OR52N4: variants seen among roughly 807,000 people sequenced by gnomAD.
OR52N4 encodes olfactory receptor 52N4.
A neutral mutation model predicts 15.0 loss-of-function variants in OR52N4; 15 were observed. The observed-to-expected ratio is 1.00, with a 90% CI of 0.67 to 1.54. The LOEUF is 1.54. Among genes scored for constraint, OR52N4 ranks in the 40% most tolerant of loss-of-function variants. OR52N4 has a pLI of 0.00. For synonymous variants in OR52N4, 143 were observed against 143.7 expected (o/e 1.00, Z 0.03); for missense variants, 421 against 394.0 (o/e 1.07, Z -0.58).
the OR52N4 span, among the ~76,000 whole-genome samples, chr11:5,734,493 T>A: frequency 6.6e-6 from 1 of 152,134 alleles, no homozygotes; most frequent in South Asian, 2.1e-4. Context: ...TCTTCAGGGT[T>A]AATATATTAA....
At chr11:5,736,173 A>G in the OR52N4 span, 1 of 243,102 alleles carries the variant, frequency 4.1e-6, no homozygotes, top group Non-Finnish European at 8.0e-6. Context: ...TCCTCAATAT[A>G]ATTTATTTCT....
chr11:5,740,276 C>G, the OR52N4 span, among the ~76,000 whole-genome samples: 1 of 127,406 alleles, frequency 7.8e-6, no homozygotes, highest in East Asian at 2.7e-4. Flanking sequence ...AATGCCCTGG[C>G]TGGTTCAACT....
the OR52N4 span, among the ~76,000 whole-genome samples, chr11:5,735,513 C>G: frequency 0.84 from 128,147 of 151,962 alleles, 54,213 homozygotes; most frequent in Non-Finnish European, 0.86. Flanking sequence ...TATGGAAAAT[C>G]AGAAACATTT....
At chr11:5,753,206 G>C (rs12365564), upstream of OR52N4, among the ~76,000 whole-genome samples, 26,124 of 151,918 alleles carry the variant, frequency 0.17, 2,345 homozygotes, top group East Asian at 0.24. Flanking sequence ...ATCTAATAAA[G>C]AGTTGTTCTA....
the OR52N4 span, chr11:5,738,300 C>T: frequency 6.6e-6 from 1 of 152,250 alleles, no homozygotes; most frequent in Non-Finnish European, 1.5e-5. Flanking sequence ...TGAGGGTTTT[C>T]ACTGGATATG....
At chr11:5,746,324 C>CTG in the OR52N4 span, among the ~76,000 whole-genome samples, 1 of 152,096 alleles carries the variant, frequency 6.6e-6, no homozygotes, top group South Asian at 2.1e-4. Context: ...TAAAAAGCTT[C>CTG]TGCAAAGCAA....
chr11:5,755,358 C>T lies in OR52N4; in HGVS notation c.618C>T (p.Leu206=), dbSNP rs932318286. The change falls in exon 2 of 2, where the codon CTC becomes CTT. Residue 206 remains leucine (L), a synonymous_variant. Coordinates refer to ENST00000641350, the MANE Select transcript of OR52N4 (RefSeq NM_001005175.5). ...VNAIYGLMVA[L]LIWGFDILCI... is the part of the protein sequence containing the mutation. ...CCATCTATGGTCTGATGGTTGCCCT[C>T]CTGATTTGGGGCTTTGACATACTGT... The T allele has an allele frequency of 5.0e-6, 8 of 1,613,924 alleles. No homozygotes were observed. The African/African-American group carries it at 1.1e-4, about 22-fold the overall frequency.
At chr11:5,740,215 T>C in the OR52N4 span, among the ~76,000 whole-genome samples, 6 of 126,804 alleles carry the variant, frequency 4.7e-5, 1 homozygote, top group African/African-American at 1.7e-4. Flanking sequence ...ATTGACTCAA[T>C]TGTTGAAAAT....
At chr11:5,752,572 T>C (rs928154725), upstream of OR52N4, among the ~76,000 whole-genome samples, 7 of 152,214 alleles carry the variant, frequency 4.6e-5, no homozygotes, top group African/African-American at 1.7e-4. Context: ...AATATGGGTA[T>C]TGAGCACTTA....
the OR52N4 span, chr11:5,737,262 C>CT: frequency 6.2e-7 from 1 of 1,614,154 alleles, no homozygotes; most frequent in Non-Finnish European, 8.5e-7. Flanking sequence ...GCCCTGAGCA[C>CT]TTGTAGTTCA....
the OR52N4 span, chr11:5,736,790 G>T: frequency 6.2e-7 from 1 of 1,613,970 alleles, no homozygotes; most frequent in Non-Finnish European, 8.5e-7. Flanking sequence ...TAAGATCCTG[G>T]CCATCTTCTG....
chr11:5,748,979 T>C, the OR52N4 span, among the ~76,000 whole-genome samples: 1 of 152,000 alleles, frequency 6.6e-6, no homozygotes, highest in African/African-American at 2.4e-5. Context: ...CCCATAGAGG[T>C]TATCTTGATT....
chr11:5,753,502 C>A (rs12362742), upstream of OR52N4, among the ~76,000 whole-genome samples: 2 of 151,748 alleles, frequency 1.3e-5, no homozygotes, highest in African/African-American at 4.8e-5. Flanking sequence ...TATATATTTT[C>A]TGTATGTATG....
At chr11:5,753,546 T>C (rs1021733613), upstream of OR52N4, among the ~76,000 whole-genome samples, 1 of 152,274 alleles carries the variant, frequency 6.6e-6, no homozygotes, top group East Asian at 1.9e-4. Flanking sequence ...GTTGACTAGA[T>C]ACATAAAGAA....
chr11:5,743,761 A>G, the OR52N4 span, among the ~76,000 whole-genome samples: 1 of 152,334 alleles, frequency 6.6e-6, no homozygotes, highest in East Asian at 1.9e-4. Flanking sequence ...ATAGCATTAA[A>G]TGCCGACATT....
At chr11:5,754,591 T>C (rs371282261) in intron 1 of OR52N4, 102 bp from the exon 2 acceptor site, 11 of 710,650 alleles carry the variant, frequency 1.5e-5, no homozygotes, top group Middle Eastern at 4.1e-4. Flanking sequence ...AGAAATTTGG[T>C]TGTTGGACCA....
rs768030929 is a variant in OR52N4 at position 5,755,133 on chromosome 11, C to T, written c.393C>T (p.Pro131=). 13 of 1,613,908 alleles carry T rather than the reference C, an allele frequency of 8.1e-6. No individual in the cohort carries two copies. The highest frequency in any genetic ancestry group is 1.6e-4 in the Middle Eastern group (1 of 6,080). The change falls in exon 2 of 2, where the codon CCC becomes CCT. Residue 131 remains proline (P), a synonymous_variant. Transcript: ENST00000641350. ...ATCGCTATGTGGCCATCTGCTACCC[C>T]TTACGCTATTCAACTATCCTCACCA... ...ALDRYVAICY[P]LRYSTILTNP...
Position 5,755,659 on chromosome 11 carries a change from A to G in OR52N4, c.919A>G (p.Ile307Val), listed in dbSNP as rs1854302131. 3 of 1,613,780 alleles carry G rather than the reference A, an allele frequency of 1.9e-6. No homozygotes were observed. The highest frequency in any genetic ancestry group is 1.7e-6 in the Non-Finnish European group (2 of 1,179,748). ...VKTKQIRDCV[I>V]RILSGSKDTK... ...AACCAAACAGATACGAGACTGTGTC[A>G]TAAGGATCCTTTCAGGTTCTAAGGA... Residue 307 changes from isoleucine (I) to valine (V), a missense_variant, in exon 2 of 2, where the codon ATA becomes GTA. Coordinates refer to ENST00000641350, the MANE Select transcript of OR52N4 (RefSeq NM_001005175.5).
the OR52N4 span, among the ~76,000 whole-genome samples, chr11:5,732,994 A>C: frequency 6.6e-6 from 1 of 152,060 alleles, no homozygotes; most frequent in Non-Finnish European, 1.5e-5. Flanking sequence ...AATATTATAA[A>C]ATTTACATCC....
Sources: allele counts gnomAD v4.1 joint callset (sites outside exome capture counted in the v4.1 genomes callset), GRCh38; gene constraint gnomAD v4.1.1; transcripts MANE v1.5; gene names NCBI Gene and HGNC (gene_info 2026-07-23, HGNC 2026-07-21).